Variants in ADGB observed in about 807,000 individuals in gnomAD.
ADGB encodes calpain-7-like protein.
Under a neutral mutation model 210.5 loss-of-function variants are expected in ADGB, and 172 were observed. That is an observed-to-expected ratio of 0.82 (90% CI 0.72 to 0.93). The LOEUF (loss-of-function observed/expected upper bound fraction) is 0.93. Ranked by LOEUF, ADGB falls within the 40% of genes least tolerant of loss-of-function variation. The pLI, the probability that ADGB is intolerant of heterozygous loss-of-function variation, is 0.00. For synonymous variants in ADGB, 658 were observed against 662.7 expected, an observed-to-expected ratio of 0.99 and a Z score of 0.11; for missense variants, 2,025 against 1,964.8, an observed-to-expected ratio of 1.03 and a Z score of -0.58.
At chr6:146,666,291 AC>A (rs1198189789) in intron 6 of ADGB, among the ~76,000 whole-genome samples, 1 of 152,070 alleles carries the variant, frequency 6.6e-6, no homozygotes, top group African/African-American at 2.4e-5. Flanking sequence ...TCCTCGTTTT[AC>A]TTTATGCTAA....
intron 6 of ADGB, among the ~76,000 whole-genome samples, chr6:146,665,645 G>C (rs906301837): frequency 2.6e-5 from 4 of 152,022 alleles, no homozygotes; most frequent in African/African-American, 9.7e-5. Context: ...GAAATTTATA[G>C]CAACATAAGT....
chr6:146,778,977 A>C (rs886938280), intron 29 of ADGB, among the ~76,000 whole-genome samples: 1 of 152,062 alleles, frequency 6.6e-6, no homozygotes, highest in Non-Finnish European at 1.5e-5. Flanking sequence ...AGTTTGTTCA[A>C]GGAAAAAACA....
At chr6:146,669,189 A>C (rs1218336469) in intron 7 of ADGB, among the ~76,000 whole-genome samples, 2 of 152,062 alleles carry the variant, frequency 1.3e-5, no homozygotes, top group African/African-American at 4.8e-5. Context: ...CTGTCATGGG[A>C]TCAAATGAAA....
chr6:146,721,175 T>C (rs1379978908), intron 16 of ADGB, among the ~76,000 whole-genome samples: 1 of 152,182 alleles, frequency 6.6e-6, no homozygotes, highest in Non-Finnish European at 1.5e-5. Flanking sequence ...TCTGATATGG[T>C]GGCTAGTCTA....
chr6:146,795,681 T>C (rs1778030825), intron 33 of ADGB, among the ~76,000 whole-genome samples: 1 of 152,142 alleles, frequency 6.6e-6, no homozygotes, highest in African/African-American at 2.4e-5. Flanking sequence ...AAAGGAACAC[T>C]TATACATTGT....
At position 146,672,247 on chromosome 6, in the gene ADGB, G is replaced by T. The variant is rs1214006100; in HGVS notation, c.867G>T (p.Glu289Asp). The T allele has an allele frequency of 6.5e-7, 1 of 1,540,532 alleles. No individual in the cohort carries two copies. Among genetic ancestry groups the T allele is most frequent in the Non-Finnish European group, 8.8e-7 (1 of 1,142,058 alleles). ...CGGGATATATGGACAAAGTTTGGGA[G>T]CTCCTGAAAGAAATATTGCCTGAGT... ...LHPGYMDKVW[E>D]LLKEILPEFK... is the part of the protein sequence containing the mutation. The change falls in exon 8 of 36, where the codon GAG (glutamate) becomes GAT (aspartate). Residue 289 changes from glutamate (E) to aspartate (D), a missense_variant. Transcript: ENST00000397944.
chr6:146,770,342 G>T, intron 29 of ADGB: 1 of 225,556 alleles, frequency 4.4e-6, no homozygotes, highest in South Asian at 4.9e-5. Flanking sequence ...TCTAGTATGT[G>T]TCTTAAAATT....
intron 13 of ADGB, among the ~76,000 whole-genome samples, chr6:146,712,305 C>T (rs922709597): frequency 2.6e-5 from 4 of 152,010 alleles, no homozygotes; most frequent in Non-Finnish European, 5.9e-5. Flanking sequence ...CTGCCTCAGC[C>T]TCCCAAGTAG....
At chr6:146,620,432 T>C (rs1465805119) in intron 1 of ADGB, among the ~76,000 whole-genome samples, 2 of 152,162 alleles carry the variant, frequency 1.3e-5, no homozygotes, top group Non-Finnish European at 2.9e-5. Context: ...CACTTGATTC[T>C]CTTGTCCCAT....
At chr6:146,677,443 T>A (rs1776100526) in intron 9 of ADGB, among the ~76,000 whole-genome samples, 1 of 152,184 alleles carries the variant, frequency 6.6e-6, no homozygotes, top group South Asian at 2.1e-4. Flanking sequence ...ATTTTAATAA[T>A]TATGGCTTTT....
intron 23 of ADGB, among the ~76,000 whole-genome samples, chr6:146,738,535 C>T (rs1777114180): frequency 6.7e-6 from 1 of 148,914 alleles, no homozygotes; most frequent in African/African-American, 2.5e-5. Context: ...CTGCGAGCTC[C>T]ACCTCCTGGG....
At chr6:146,693,755 T>G (rs977875674) in intron 12 of ADGB, among the ~76,000 whole-genome samples, 1 of 152,170 alleles carries the variant, frequency 6.6e-6, no homozygotes, top group Non-Finnish European at 1.5e-5. Flanking sequence ...CGCCGCACTT[T>G]CAACACTTTG....
chr6:146,687,018 C>T (rs1776242434), intron 10 of ADGB, among the ~76,000 whole-genome samples: 1 of 152,088 alleles, frequency 6.6e-6, no homozygotes, highest in African/African-American at 2.4e-5. Flanking sequence ...TCTCTTTCTT[C>T]CCATTCTTTC....
At chr6:146,789,976 C>A (rs1777931250) in intron 33 of ADGB, among the ~76,000 whole-genome samples, 1 of 151,974 alleles carries the variant, frequency 6.6e-6, no homozygotes, top group Admixed American at 6.6e-5. Context: ...AAAAATGTAG[C>A]CAAAACAATG....
At chr6:146,789,990 C>A (rs975162294) in intron 33 of ADGB, among the ~76,000 whole-genome samples, 1 of 152,104 alleles carries the variant, frequency 6.6e-6, no homozygotes, top group African/African-American at 2.4e-5. Flanking sequence ...AACAATGCAA[C>A]TTAAATTCTG....
chr6:146,733,064 C>T (rs944094182), intron 20 of ADGB, 56 bp from the exon 21 acceptor site: 34 of 1,258,844 alleles, frequency 2.7e-5, no homozygotes, highest in Non-Finnish European at 3.4e-5. Flanking sequence ...TTTTTTAGAG[C>T]TTCTCTGGCC....
At chr6:146,777,835 G>A (rs140147644) in intron 29 of ADGB, among the ~76,000 whole-genome samples, 17 of 152,250 alleles carry the variant, frequency 1.1e-4, no homozygotes, top group East Asian at 3.9e-4. Context: ...TCAGAATCAC[G>A]TGAGGTACAT....
intron 1 of ADGB, among the ~76,000 whole-genome samples, chr6:146,618,084 A>G (rs1172517603): frequency 1.3e-5 from 2 of 152,092 alleles, no homozygotes; most frequent in Admixed American, 6.6e-5. Flanking sequence ...TTAGAAAATC[A>G]TAAAGAAGAG....
chr6:146,795,541 A>C (rs904781284), intron 33 of ADGB, among the ~76,000 whole-genome samples: 2 of 152,194 alleles, frequency 1.3e-5, no homozygotes, highest in Non-Finnish European at 2.9e-5. Context: ...GCCAATAAGC[A>C]CATGAAAAAA....
Sources: gnomAD v4.1 joint callset for allele counts (sites outside exome capture counted in the v4.1 genomes callset) on GRCh38, gnomAD v4.1.1 for gene constraint, MANE v1.5 for transcripts, NCBI Gene and HGNC (gene_info 2026-07-23, HGNC 2026-07-21) for gene names.